The following FGF5 variants were observed in gnomAD, a reference collection of about 807,000 sequenced individuals.
The protein encoded by FGF5 is heparin-binding growth factor 5.
A neutral mutation model predicts 21.8 loss-of-function variants in FGF5; 23 were observed. The ratio of observed to expected loss-of-function variants is 1.05; its 90% CI spans 0.76 to 1.49. FGF5 has a LOEUF of 1.49. Ranked by LOEUF, FGF5 falls within the 40% of genes most tolerant of loss-of-function variation. The probability of loss-of-function intolerance (pLI) is 0.00; values close to 1 mark genes in which losing one functional copy is unlikely to be tolerated. For synonymous variants in FGF5, 158 were observed against 124.0 expected (o/e 1.27, Z -1.82); for missense variants, 352 against 332.9 (o/e 1.06, Z -0.45).
In FGF5 at chr4:80,289,880, GGCTTTTATTTCTGTTATTTTTAA is replaced by G. The variant is rs1436300544; in HGVS notation, c.*3221_*3243del. 6.6e-6 allele frequency: 1 copy of G among 151,974 alleles called. No individual in the cohort carries two copies. The highest frequency in any genetic ancestry group is 1.5e-5 in the Non-Finnish European group (1 of 67,996). 9.4% of individuals were successfully genotyped at this position (151,974 alleles called of 1,614,324 possible). On this transcript the variant is annotated 3_prime_UTR_variant, in exon 3 of 3. Coordinates refer to ENST00000312465, the MANE Select transcript of FGF5 (RefSeq NM_004464.4). ...ATAAAAATTACATATATAAAACTAA[GGCTTTTATTTCTGTTATTTTTAA>G]GCTTTTATTTCTTGTAGCTAAAAAT...
At chr4:80,283,175 A>G (rs567586526) in intron 2 of FGF5, among the ~76,000 whole-genome samples, 1 of 152,344 alleles carries the variant, frequency 6.6e-6, no homozygotes, top group East Asian at 1.9e-4. Context: ...GTTAATTAAG[A>G]AAGCCAAAAC....
intron 2 of FGF5, among the ~76,000 whole-genome samples, chr4:80,276,609 A>G (rs961838469): frequency 6.6e-6 from 1 of 151,884 alleles, no homozygotes. Flanking sequence ...AGTAGTGTAC[A>G]CCGTACCCAA....
chr4:80,267,323 G>A (rs1228152082), intron 1 of FGF5, 144 bp downstream of exon 1: 4 of 677,908 alleles, frequency 5.9e-6, no homozygotes, highest in Non-Finnish European at 9.8e-6. Context: ...CAGCCGGGCG[G>A]GTTGGGTGGA....
chr4:80,285,522 C>T lies in FGF5; in HGVS notation c.460-803C>T, dbSNP rs188598245. ...TTGGCCACCTCCACCCTCTTAGATG[C>T]CCTTCCTCTATGCTGTCATTGTACC... On this transcript the variant is annotated intron_variant, in intron 2 of 2. Coordinates refer to ENST00000312465, the MANE Select transcript of FGF5 (RefSeq NM_004464.4). 7.5e-3 allele frequency among the ~76,000 whole-genome samples: 1,140 copies of T among 152,258 alleles called. 7 individuals are homozygous for T. The highest frequency in any genetic ancestry group is 9.7e-3 in the Non-Finnish European group (660 of 68,028).
Position 80,274,901 on chromosome 4 carries a change from C to T in FGF5, c.356-8C>T, listed in dbSNP as rs1458130440. The T allele has an allele frequency of 1.5e-6, 2 of 1,308,428 alleles. No homozygotes were observed. Among genetic ancestry groups the T allele is most frequent in the Non-Finnish European group, 2.2e-6 (2 of 911,754 alleles). The allele number at this position is 1,308,428 out of a possible 1,614,324, so 81.1% of individuals were successfully genotyped here. ...CTGTGTTTTATTTTGGGATTTCTGT[C>T]ATCCTAGGTGTTTTGGAAATATTTG... On this transcript the variant is annotated splice_polypyrimidine_tract_variant and splice_region_variant and intron_variant, in intron 1 of 2. Coordinates refer to ENST00000312465, the MANE Select transcript of FGF5 (RefSeq NM_004464.4).
chr4:80,288,220 A>G lies in FGF5; in HGVS notation c.*1548A>G, dbSNP rs1280552149. On this transcript the variant is annotated 3_prime_UTR_variant, in exon 3 of 3. Transcript: ENST00000312465. ...TATTTTTTTCTTAAAGCAAACTATG[A>G]TTTATTTTGGTGCACAAATACAAAG... 6.6e-6 allele frequency: 1 copy of G among 152,154 alleles called. No individual in the cohort carries two copies. Among genetic ancestry groups the G allele is most frequent in the East Asian group, 1.9e-4 (1 of 5,194 alleles). The allele number at this position is 152,154 out of a possible 1,614,324, so 9.4% of individuals were successfully genotyped here.
chr4:80,272,247 T>C (rs1476348145), intron 1 of FGF5, among the ~76,000 whole-genome samples: 1 of 152,198 alleles, frequency 6.6e-6, no homozygotes, highest in Admixed American at 6.5e-5. Flanking sequence ...AAAGATAATT[T>C]TCTTAAGGTT....
At chr4:80,278,722 C>T (rs977563986) in intron 2 of FGF5, among the ~76,000 whole-genome samples, 1 of 152,100 alleles carries the variant, frequency 6.6e-6, no homozygotes, top group African/African-American at 2.4e-5. Context: ...AATGTGGGCT[C>T]CCTGGACTCA....
chr4:80,283,741 C>T lies in FGF5; in HGVS notation c.460-2584C>T, dbSNP rs34881361. On this transcript the variant is annotated intron_variant, in intron 2 of 2. Coordinates refer to ENST00000312465, the MANE Select transcript of FGF5 (RefSeq NM_004464.4). ...AGTCAGATCAAGGCATAATGTATTACACATTTTCAAAAATGTCATTCAACT... is the reference window on the plus strand; with the variant it reads ...AGTCAGATCAAGGCATAATGTATTATACATTTTCAAAAATGTCATTCAACT... Among the ~76,000 whole-genome samples the T allele has an allele frequency of 7.3e-3, 1,100 of 151,716 alleles. 6 individuals are homozygous for T. Among genetic ancestry groups the T allele is most frequent in the African/African-American group, 0.024 (973 of 41,350 alleles).
intron 1 of FGF5, chr4:80,268,529 G>A (rs1258489530): frequency 1.0e-6 from 1 of 986,190 alleles, no homozygotes; most frequent in East Asian, 1.1e-4. Flanking sequence ...AGATTTGGCA[G>A]CCAGCAGTCT....
Position 80,286,710 on chromosome 4 carries a change from T to C in FGF5, c.*38T>C. On this transcript the variant is annotated 3_prime_UTR_variant, in exon 3 of 3. Transcript: ENST00000312465. ...CCTTGTGAGAAACCATTCTTTCCCC[T>C]CAGGAGTTTCTATAGGTGTCTTCAG... 6.5e-7 allele frequency: 1 copy of C among 1,539,014 alleles called. No homozygotes were observed. Among genetic ancestry groups the C allele is most frequent in the Non-Finnish European group, 8.9e-7 (1 of 1,120,138 alleles).
intron 1 of FGF5, chr4:80,268,487 C>G (rs1560497136): frequency 1.8e-5 from 18 of 985,912 alleles, no homozygotes; most frequent in Non-Finnish European, 2.0e-5. Context: ...TACACAGGCT[C>G]CAGAGGAGCG....
intron 2 of FGF5, among the ~76,000 whole-genome samples, 160 bp downstream of exon 2, chr4:80,275,172 G>T (rs998690713): frequency 4.0e-5 from 6 of 151,890 alleles, no homozygotes; most frequent in African/African-American, 1.2e-4. Context: ...TGCGCTTCCA[G>T]AAGTAATAAT....
At chr4:80,278,431 G>C (rs568908208) in intron 2 of FGF5, among the ~76,000 whole-genome samples, 3 of 152,126 alleles carry the variant, frequency 2.0e-5, no homozygotes, top group African/African-American at 7.2e-5. Flanking sequence ...AGAGAAGAGG[G>C]GATGTGTCTG....
intron 2 of FGF5, among the ~76,000 whole-genome samples, chr4:80,276,749 A>G (rs1053354949): frequency 8.3e-5 from 12 of 145,214 alleles, no homozygotes; most frequent in African/African-American, 3.0e-4. Context: ...AGTTCTCACG[A>G]GGGCTGGAAA....
chr4:80,283,385 CGAGGAAAAGAG>C (rs1560501582), intron 2 of FGF5, among the ~76,000 whole-genome samples: 1 of 151,446 alleles, frequency 6.6e-6, no homozygotes, highest in African/African-American at 2.4e-5. Context: ...ATATGAATCT[CGAGGAAAAGAG>C]GAGGAAAAGA....
At chr4:80,281,389 C>G (rs1160096601) in intron 2 of FGF5, among the ~76,000 whole-genome samples, 2 of 152,090 alleles carry the variant, frequency 1.3e-5, no homozygotes, top group African/African-American at 4.8e-5. Flanking sequence ...TTATTACAGT[C>G]TATGATAACC....
rs1003539862 is a variant in FGF5 at position 80,290,460 on chromosome 4, G to A, written c.*3788G>A. ...ACTCTGCCCTATTTGAAAGTCTCAG[G>A]GGAGAAAAGGGAACAAGATGCTGAT... On this transcript the variant is annotated 3_prime_UTR_variant, in exon 3 of 3. Coordinates refer to ENST00000312465, the MANE Select transcript of FGF5 (RefSeq NM_004464.4). 3 of 152,066 alleles carry A rather than the reference G, an allele frequency of 2.0e-5. No individual in the cohort carries two copies. The highest frequency in any genetic ancestry group is 7.2e-5 in the African/African-American group (3 of 41,408). The allele number at this position is 152,066 out of a possible 1,614,324, so 9.4% of individuals were successfully genotyped here.
chr4:80,272,973 C>T (rs901942893), intron 1 of FGF5, among the ~76,000 whole-genome samples: 8 of 152,072 alleles, frequency 5.3e-5, no homozygotes, highest in African/African-American at 1.4e-4. Flanking sequence ...TATAGTCATG[C>T]TTTAGTAATA....
Sources: allele counts gnomAD v4.1 joint callset (sites outside exome capture counted in the v4.1 genomes callset), GRCh38; gene constraint gnomAD v4.1.1; transcripts MANE v1.5; gene names NCBI Gene and HGNC (gene_info 2026-07-23, HGNC 2026-07-21).